The following FBRSL1 variants were observed in gnomAD, a reference collection of about 807,000 sequenced individuals.
FBRSL1 encodes the protein fibrosin-1-like protein.
Under a neutral mutation model 89.6 loss-of-function variants are expected in FBRSL1, and 51 were observed. The ratio of observed to expected loss-of-function variants is 0.57; its 90% confidence interval spans 0.45 to 0.72. The LOEUF (loss-of-function observed/expected upper bound fraction) is 0.72. Among genes scored for constraint, FBRSL1 ranks in the 30% least tolerant of loss-of-function variants. The pLI, the probability that FBRSL1 is intolerant of heterozygous loss-of-function variation, is 0.00. For missense variants in FBRSL1, 1,618 were observed against 1,451.8 expected (o/e 1.11, Z -1.86); for synonymous variants, 779 against 681.1 (o/e 1.14, Z -2.24).
chr12:132,583,782 C>T lies in FBRSL1; in HGVS notation c.*4C>T, dbSNP rs867093863. On this transcript the variant is annotated 3_prime_UTR_variant, in exon 19 of 19. Transcript: ENST00000680143. ...CCCGGAGGTGGAGGCGCGGTAGCCCCGGGGCCGCAGACGCCTCTCCGAGCG... is the reference window on the plus strand; with the variant it reads ...CCCGGAGGTGGAGGCGCGGTAGCCCTGGGGCCGCAGACGCCTCTCCGAGCG... 9.1e-6 allele frequency: 11 copies of T among 1,213,078 alleles called. No individual in the cohort carries two copies. Among genetic ancestry groups the T allele is most frequent in the Middle Eastern group, 6.4e-4 (2 of 3,136 alleles). The allele number at this position is 1,213,078 out of a possible 1,614,324, so 75.1% of individuals were successfully genotyped here.
chr12:132,497,635 CT>C (rs1040709009), intron 1 of FBRSL1, among the ~76,000 whole-genome samples: 1 of 152,202 alleles, frequency 6.6e-6, no homozygotes, highest in Non-Finnish European at 1.5e-5. Flanking sequence ...CCTCCTGCCC[CT>C]GTCCAGATGA....
intron 3 of FBRSL1, among the ~76,000 whole-genome samples, chr12:132,526,407 G>C (rs2035794359): frequency 6.6e-6 from 1 of 152,250 alleles, no homozygotes; most frequent in Non-Finnish European, 1.5e-5. Context: ...CTAATTGCCA[G>C]CCCCTGGTGA....
chr12:132,563,886 C>T, intron 5 of FBRSL1, among the ~76,000 whole-genome samples: 1 of 101,038 alleles, frequency 9.9e-6, no homozygotes, highest in East Asian at 3.3e-4. Context: ...ACTCCCGTCG[C>T]CCCTGAACCC....
chr12:132,583,465 G>A lies in FBRSL1; in HGVS notation c.2696G>A (p.Arg899His). 1 of 1,058,738 alleles carries A rather than the reference G, an allele frequency of 9.4e-7. No individual in the cohort carries two copies. Among genetic ancestry groups the A allele is most frequent in the Non-Finnish European group, 1.1e-6 (1 of 876,252 alleles). The allele number at this position is 1,058,738 out of a possible 1,614,324, so 65.6% of individuals were successfully genotyped here. Residue 899 changes from arginine (R) to histidine (H), a missense_variant, in exon 19 of 19, where the codon CGC (arginine) becomes CAC (histidine). Coordinates refer to ENST00000680143, the MANE Select transcript of FBRSL1 (RefSeq NM_001367871.1). ...CACGGCTACAGCCCCGAGCGCCTGC[G>A]CGGGGAGCTGGAGCGCGCGCGGGCC... ...EPHGYSPERL[R>H]GELERARAPH...
intron 4 of FBRSL1, among the ~76,000 whole-genome samples, chr12:132,534,051 C>T (rs1471831655): frequency 2.0e-5 from 3 of 152,152 alleles, no homozygotes; most frequent in African/African-American, 7.2e-5. Flanking sequence ...CCACTATCCC[C>T]CACCACCCCA....
rs2035953417 is a variant in FBRSL1 at position 132,528,107 on chromosome 12, C to T, written c.615+119C>T. On this transcript the variant is annotated intron_variant, in intron 4 of 18. Coordinates refer to ENST00000680143, the MANE Select transcript of FBRSL1 (RefSeq NM_001367871.1). ...CACCCCAGTCCCGTGCCCGCTTTCC[C>T]TCTGGAGCCCCAGACTGGTTCTGGC... The T allele has an allele frequency of 9.1e-6, 8 of 882,868 alleles. No homozygotes were observed. In the South Asian group the frequency reaches 1.1e-4, roughly 12 times the overall value. 54.7% of individuals were successfully genotyped at this position (882,868 alleles called of 1,614,324 possible).
At chr12:132,518,013 G>A (rs546585685) in intron 2 of FBRSL1, among the ~76,000 whole-genome samples, 6 of 152,180 alleles carry the variant, frequency 3.9e-5, no homozygotes, top group South Asian at 2.1e-4. Flanking sequence ...CAGAGCTGGC[G>A]GCACACACCT....
rs1802668496 is a variant in FBRSL1, at chr12:132,568,766, T to TG, written c.692-1157dup. Among the ~76,000 whole-genome samples, 3 of 151,956 alleles carry TG rather than the reference T, an allele frequency of 2.0e-5. No individual in the cohort carries two copies. The East Asian group carries it at 5.8e-4, about 30-fold the overall frequency. ...GGAAAGCCGGTGGAGATAGTGCCCG[T>TG]GGGCTCCCTCTCTCCTGTGTCCTCC... On this transcript the variant is annotated intron_variant, in intron 6 of 18. Coordinates refer to ENST00000680143, the MANE Select transcript of FBRSL1 (RefSeq NM_001367871.1).
At chr12:132,551,845 G>T (rs1593455617) in intron 5 of FBRSL1, 1 of 344,136 alleles carries the variant, frequency 2.9e-6, no homozygotes, top group East Asian at 7.6e-5. Flanking sequence ...GAAAAGTGTG[G>T]GGTGAAGAGC....
chr12:132,568,949 C>T (rs779515102), intron 6 of FBRSL1, among the ~76,000 whole-genome samples: 14 of 152,186 alleles, frequency 9.2e-5, no homozygotes, highest in South Asian at 2.1e-4. Context: ...GGGGCAGGGA[C>T]GGCCGCAGCT....
At chr12:132,522,107 G>A (rs1290993863) in intron 2 of FBRSL1, among the ~76,000 whole-genome samples, 3 of 152,138 alleles carry the variant, frequency 2.0e-5, no homozygotes, top group Admixed American at 2.0e-4. Context: ...CCCTCAGCCT[G>A]GGGTGGTGTG....
chr12:132,537,021 G>T (rs1356444385), intron 4 of FBRSL1, among the ~76,000 whole-genome samples: 1 of 152,210 alleles, frequency 6.6e-6, no homozygotes, highest in Non-Finnish European at 1.5e-5. Context: ...ACGTGGGGTG[G>T]GGTAGAGTGG....
intron 2 of FBRSL1, chr12:132,511,755 G>A (rs2034364141): frequency 1.0e-6 from 1 of 985,388 alleles, no homozygotes; most frequent in Non-Finnish European, 1.2e-6. Context: ...TTGCTCATGA[G>A]GACCCCACCC....
chr12:132,495,031 C>T (rs554168743), intron 1 of FBRSL1, among the ~76,000 whole-genome samples: 1 of 152,342 alleles, frequency 6.6e-6, no homozygotes, highest in East Asian at 1.9e-4. Flanking sequence ...TGAAAATGGC[C>T]CAGAACCCTG....
rs555810045 is a variant in FBRSL1 at position 132,554,853 on chromosome 12, G to A, written c.645+6821G>A. 2.0e-5 allele frequency: 3 copies of A among 152,388 alleles called. No individual in the cohort carries two copies. In the East Asian group the frequency reaches 5.8e-4, roughly 29 times the overall value. 9.4% of individuals were successfully genotyped at this position (152,388 alleles called of 1,614,324 possible). On this transcript the variant is annotated intron_variant, in intron 5 of 18. Coordinates refer to ENST00000680143, the MANE Select transcript of FBRSL1 (RefSeq NM_001367871.1). ...TCCCAGCTACTCAAGAGGCTGAGGA[G>A]GGATGGTCACCTGAACCCCGGAGGT...
chr12:132,509,080 A>C, intron 2 of FBRSL1: 1 of 1,196,066 alleles, frequency 8.4e-7, no homozygotes, highest in South Asian at 4.1e-5. Context: ...GGAGAAGGGC[A>C]GCATGCCTCC....
intron 2 of FBRSL1, among the ~76,000 whole-genome samples, chr12:132,520,702 C>T (rs1013462370): frequency 6.6e-6 from 1 of 152,198 alleles, no homozygotes; most frequent in Non-Finnish European, 1.5e-5. Context: ...AGGTTCGGGA[C>T]AGAGGGGCCC....
At chr12:132,496,571 C>T (rs1333561142) in intron 1 of FBRSL1, among the ~76,000 whole-genome samples, 1 of 152,198 alleles carries the variant, frequency 6.6e-6, no homozygotes, top group African/African-American at 2.4e-5. Flanking sequence ...CTAGGGGACT[C>T]TTAGGGGGTT....
At chr12:132,545,371 C>A (rs2037606059) in intron 4 of FBRSL1, among the ~76,000 whole-genome samples, 1 of 152,238 alleles carries the variant, frequency 6.6e-6, no homozygotes, top group African/African-American at 2.4e-5. Flanking sequence ...TCATTCAATG[C>A]CGACTCCACT....
Sources: allele counts gnomAD v4.1 joint callset (sites outside exome capture counted in the v4.1 genomes callset), GRCh38; gene constraint gnomAD v4.1.1; transcripts MANE v1.5; gene names NCBI Gene and HGNC (gene_info 2026-07-23, HGNC 2026-07-21).